The following PSMD9 variants were observed in gnomAD, a reference collection of about 807,000 sequenced individuals.
PSMD9 encodes the protein proteasome 26S subunit, non-ATPase 9.
Under a neutral mutation model 25.9 loss-of-function variants are expected in PSMD9, and 26 were observed. The observed-to-expected ratio is 1.00, with a 90% confidence interval of 0.73 to 1.39. The LOEUF is 1.39. PSMD9 is among the 40% of genes most tolerant of loss of function. The probability of loss-of-function intolerance (pLI) is 0.00; values close to 1 mark genes in which losing one functional copy is unlikely to be tolerated. For missense variants in PSMD9, 303 were observed against 299.3 expected, an observed-to-expected ratio of 1.01 and a Z score of -0.09; for synonymous variants, 110 against 114.5, an observed-to-expected ratio of 0.96 and a Z score of 0.25.
intron 4 of PSMD9, among the ~76,000 whole-genome samples, chr12:121,903,757 T>C (rs575527612): frequency 2.0e-3 from 295 of 150,260 alleles, no homozygotes; most frequent in African/African-American, 6.2e-3. Flanking sequence ...CTTTTCTTTT[T>C]TTTTTTTTTT....
At position 121,899,763 on chromosome 12, in the gene PSMD9, T is replaced by C; in HGVS notation, c.371T>C (p.Leu124Pro). 6.2e-7 allele frequency: 1 copy of C among 1,614,006 alleles called. No homozygotes were observed. Among genetic ancestry groups the C allele is most frequent in the South Asian group, 1.1e-5 (1 of 91,078 alleles). The change falls in exon 3 of 6, where the codon CTG (leucine) becomes CCG (proline). Residue 124 changes from leucine (L) to proline (P), a missense_variant. Coordinates refer to ENST00000541212, the MANE Select transcript of PSMD9 (RefSeq NM_002813.7). ...CACAAAGAGGCCATGAGCCGCAAAC[T>C]GGGTCAGAGTGAGAGCCAGGGCCCT... ...EAHKEAMSRKLGQSESQGPPR... is the reference protein window; with the variant it reads ...EAHKEAMSRKPGQSESQGPPR...
At chr12:121,910,951 C>T (rs185597448) in intron 4 of PSMD9, 135 of 456,546 alleles carry the variant, frequency 3.0e-4, no homozygotes, top group Admixed American at 1.5e-3. Flanking sequence ...GGCCCTGGCA[C>T]CCACCATCCT....
chr12:121,894,993 A>G, intron 2 of PSMD9, 152 bp downstream of exon 2: 1 of 663,498 alleles, frequency 1.5e-6, no homozygotes, highest in South Asian at 1.8e-5. Flanking sequence ...AACCAAGGGA[A>G]TGGGCTAGAC....
intron 4 of PSMD9, among the ~76,000 whole-genome samples, chr12:121,906,816 C>CAA (rs577687349): frequency 1.8e-4 from 24 of 134,780 alleles, no homozygotes; most frequent in African/African-American, 5.7e-4. Context: ...TCTCCCATCT[C>CAA]AAAAAAAAAA....
chr12:121,907,903 G>A (rs1332613295), intron 4 of PSMD9, among the ~76,000 whole-genome samples: 1 of 152,110 alleles, frequency 6.6e-6, no homozygotes, highest in African/African-American at 2.4e-5. Context: ...AATTGGCCAA[G>A]CATAGTGGCA....
chr12:121,903,559 G>T (rs899775176), intron 4 of PSMD9, among the ~76,000 whole-genome samples: 1 of 152,022 alleles, frequency 6.6e-6, no homozygotes, highest in Non-Finnish European at 1.5e-5. Flanking sequence ...TCATGGTGTT[G>T]CTCAGCACAG....
chr12:121,896,595 G>A (rs1204131409), intron 2 of PSMD9, among the ~76,000 whole-genome samples: 1 of 152,098 alleles, frequency 6.6e-6, no homozygotes, highest in Non-Finnish European at 1.5e-5. Flanking sequence ...CCAGCACACT[G>A]GGAGGCCGAG....
At chr12:121,890,474 A>G (rs1442946951) in intron 1 of PSMD9, among the ~76,000 whole-genome samples, 4 of 151,546 alleles carry the variant, frequency 2.6e-5, no homozygotes, top group South Asian at 4.2e-4. Flanking sequence ...TATTATTGTT[A>G]TTATTATTAT....
rs1302377093 is a variant in PSMD9, at chr12:121,917,250, G to A, written c.*939G>A. Reference sequence around the variant, plus strand: ...AGTCCTCCTGCCTTGGCCTCCTAAAGTGCTGGGATCACAGGCGTGAGCCAC... The same window carrying A: ...AGTCCTCCTGCCTTGGCCTCCTAAAATGCTGGGATCACAGGCGTGAGCCAC... On this transcript the variant is annotated 3_prime_UTR_variant, in exon 6 of 6. Transcript: ENST00000541212. 1.3e-5 allele frequency: 2 copies of A among 149,002 alleles called. No individual in the cohort carries two copies. The highest frequency in any genetic ancestry group is 3.0e-5 in the Non-Finnish European group (2 of 67,238). The allele number at this position is 149,002 out of a possible 1,614,324, so 9.2% of individuals were successfully genotyped here. A position where few individuals can be genotyped will look rare whatever the true frequency, so the allele number is the denominator to read the frequency against.
At chr12:121,896,770 A>G (rs907342234) in intron 2 of PSMD9, among the ~76,000 whole-genome samples, 1 of 146,684 alleles carries the variant, frequency 6.8e-6, no homozygotes, top group Non-Finnish European at 1.5e-5. Flanking sequence ...CAGGAGGCGG[A>G]GGTTGCCGTG....
At chr12:121,910,645 A>G (rs1879692940) in intron 4 of PSMD9, among the ~76,000 whole-genome samples, 1 of 151,352 alleles carries the variant, frequency 6.6e-6, no homozygotes, top group Non-Finnish European at 1.5e-5. Flanking sequence ...CTGTAATCCC[A>G]GTTACTCTGG....
At chr12:121,906,813 T>C (rs1419741979) in intron 4 of PSMD9, among the ~76,000 whole-genome samples, 1 of 139,564 alleles carries the variant, frequency 7.2e-6, no homozygotes, top group Non-Finnish European at 1.5e-5. Flanking sequence ...GACTCTCCCA[T>C]CTCAAAAAAA....
In PSMD9 at chr12:121,917,997, C is replaced by T. The variant is rs1209292502; in HGVS notation, c.*1686C>T. 1 of 152,220 alleles carries T rather than the reference C, an allele frequency of 6.6e-6. No individual in the cohort carries two copies. The highest frequency in any genetic ancestry group is 6.5e-5 in the Admixed American group (1 of 15,272). 9.4% of individuals were successfully genotyped at this position (152,220 alleles called of 1,614,324 possible). ...AGCAGAGAGCCTTCTGCCTCAGTGG[C>T]TCTGGCTGGTTTCCTGCAGGGGTCC... On this transcript the variant is annotated 3_prime_UTR_variant, in exon 6 of 6. Coordinates refer to ENST00000541212, the MANE Select transcript of PSMD9 (RefSeq NM_002813.7).
At chr12:121,908,404 C>A (rs374843255) in intron 4 of PSMD9, among the ~76,000 whole-genome samples, 182 of 152,238 alleles carry the variant, frequency 1.2e-3, no homozygotes, top group African/African-American at 4.2e-3. Context: ...TCTCTTAATT[C>A]CTGACCTCAG....
chr12:121,891,020 G>T (rs983753581), intron 1 of PSMD9, among the ~76,000 whole-genome samples: 21 of 145,062 alleles, frequency 1.4e-4, no homozygotes, highest in Non-Finnish European at 2.9e-4. Flanking sequence ...GCCAAGGTGG[G>T]TGGATCACCT....
At chr12:121,896,894 G>T (rs1474488035) in intron 2 of PSMD9, among the ~76,000 whole-genome samples, 6 of 151,466 alleles carry the variant, frequency 4.0e-5, no homozygotes, top group African/African-American at 1.5e-4. Context: ...TAGGTCCTTT[G>T]GCTTCTGTAT....
chr12:121,914,962 C>T (rs1022303341), intron 4 of PSMD9: 12 of 152,178 alleles, frequency 7.9e-5, no homozygotes, highest in Non-Finnish European at 1.6e-4. Context: ...GAAGTAACCA[C>T]TCTTAACAAG....
At chr12:121,909,235 T>C (rs1208221125) in intron 4 of PSMD9, among the ~76,000 whole-genome samples, 2 of 151,860 alleles carry the variant, frequency 1.3e-5, no homozygotes, top group Non-Finnish European at 1.5e-5. Context: ...CCCAGGGCTG[T>C]CATTTATAGA....
intron 4 of PSMD9, among the ~76,000 whole-genome samples, chr12:121,911,698 A>G (rs1430445220): frequency 6.8e-6 from 1 of 146,278 alleles, no homozygotes; most frequent in Non-Finnish European, 1.5e-5. Context: ...GCTCTCACCC[A>G]GGCTGGAGTG....
Sources: allele counts gnomAD v4.1 joint callset (sites outside exome capture counted in the v4.1 genomes callset), GRCh38; gene constraint gnomAD v4.1.1; transcripts MANE v1.5; gene names NCBI Gene and HGNC (gene_info 2026-07-23, HGNC 2026-07-21).